The following KANK1 variants were observed in gnomAD, a reference collection of about 807,000 sequenced individuals.
The protein encoded by KANK1 is KN motif and ankyrin repeat domain-containing protein 1.
In KANK1, 109 loss-of-function variants were observed where a neutral mutation model predicts 106.2. The observed-to-expected ratio is 1.03, with a 90% CI of 0.88 to 1.20. KANK1 has a LOEUF of 1.20. Among genes scored for constraint, KANK1 ranks in the 50% most tolerant of loss-of-function variants. The pLI, the probability that KANK1 is intolerant of heterozygous loss-of-function variation, is 0.00. For missense variants in KANK1, 2,399 were observed against 1,710.7 expected (o/e 1.40, Z -7.10); for synonymous variants, 873 against 652.2 (o/e 1.34, Z -5.16).
At chr9:475,800 C>T (rs1380491033) in intron 3 of KANK1, among the ~76,000 whole-genome samples, 3 of 152,110 alleles carry the variant, frequency 2.0e-5, no homozygotes, top group Non-Finnish European at 4.4e-5. Context: ...ATTTTTCTTC[C>T]AGGCGCTCCC....
At chr9:621,078 C>G (rs1388824405) in intron 1 of KANK1, among the ~76,000 whole-genome samples, 1 of 152,148 alleles carries the variant, frequency 6.6e-6, no homozygotes, top group African/African-American at 2.4e-5. Flanking sequence ...TACTAGAAAT[C>G]TAAGCTATTC....
At chr9:600,100 C>A (rs536471771) in intron 1 of KANK1, among the ~76,000 whole-genome samples, 145 of 151,670 alleles carry the variant, frequency 9.6e-4, no homozygotes, top group Non-Finnish European at 1.7e-3. Flanking sequence ...TTGCACAATT[C>A]AGTAATGTTG....
chr9:485,739 C>CGG (rs2058281199), intron 3 of KANK1, among the ~76,000 whole-genome samples: 3 of 151,856 alleles, frequency 2.0e-5, no homozygotes, highest in African/African-American at 7.3e-5. Flanking sequence ...GATGTGGTGG[C>CGG]GCATGCCTGT....
At chr9:517,889 C>T (rs186053791) in intron 1 of KANK1, among the ~76,000 whole-genome samples, 1 of 151,342 alleles carries the variant, frequency 6.6e-6, no homozygotes, top group Admixed American at 6.6e-5. Flanking sequence ...CGGAGTCCCC[C>T]ACCATGCCTC....
intron 1 of KANK1, among the ~76,000 whole-genome samples, chr9:509,691 C>T (rs1304094002): frequency 6.6e-6 from 1 of 152,206 alleles, no homozygotes; most frequent in Non-Finnish European, 1.5e-5. Flanking sequence ...TTACCTCCCT[C>T]TTGGGTATTT....
At chr9:732,845 A>G (rs1189756892) in intron 6 of KANK1, 1 of 397,928 alleles carries the variant, frequency 2.5e-6, no homozygotes, top group Non-Finnish European at 4.5e-6. Flanking sequence ...TGAAACCTTA[A>G]CTCTGCTATA....
In KANK1 at chr9:742,195, C is replaced by G. The variant is rs371523067; in HGVS notation, c.3697-10C>G. 4 of 1,613,570 alleles carry G rather than the reference C, an allele frequency of 2.5e-6. No homozygotes were observed. Among genetic ancestry groups the G allele is most frequent in the Middle Eastern group, 1.6e-4 (1 of 6,062 alleles). On this transcript the variant is annotated splice_polypyrimidine_tract_variant and intron_variant, in intron 9 of 11. Coordinates refer to ENST00000382297, the MANE Select transcript of KANK1 (RefSeq NM_015158.5). Reference sequence around the variant, plus strand: ...CGTACTTCTGAAGTCCTTGTCATCTCTTCCCATAGGCGGGACAGACGGCCC... The same window carrying G: ...CGTACTTCTGAAGTCCTTGTCATCTGTTCCCATAGGCGGGACAGACGGCCC...
exon 1 of KANK1, chr9:470,339 C>A (rs552338676): frequency 3.1e-4 from 47 of 152,508 alleles, no homozygotes; most frequent in African/African-American, 1.1e-3. Flanking sequence ...CCAGCCTGCT[C>A]AGCAGCGAGT....
At chr9:611,745 G>C (rs972907904) in intron 1 of KANK1, among the ~76,000 whole-genome samples, 5 of 152,078 alleles carry the variant, frequency 3.3e-5, no homozygotes, top group African/African-American at 1.2e-4. Context: ...TGGAGACAAA[G>C]TCTTTCTCTG....
At chr9:719,649 A>T (rs1337735666) in intron 3 of KANK1, among the ~76,000 whole-genome samples, 42 of 152,234 alleles carry the variant, frequency 2.8e-4, no homozygotes, top group Admixed American at 2.7e-3. Flanking sequence ...ATGGCTATAT[A>T]CCAATAACTA....
At chr9:627,561 A>AACAATCTTCTTGT (rs1309085265) in intron 1 of KANK1, among the ~76,000 whole-genome samples, 1 of 152,052 alleles carries the variant, frequency 6.6e-6, no homozygotes, top group Non-Finnish European at 1.5e-5. Context: ...GCCAGTAATG[A>AACAATCTTCTTGT]ACAATCTTCT....
intron 1 of KANK1, among the ~76,000 whole-genome samples, chr9:557,018 C>T (rs2061631387): frequency 6.6e-6 from 1 of 151,902 alleles, no homozygotes. Context: ...ATGGTAGTTA[C>T]TCTAAAAACA....
At chr9:480,047 C>G (rs766719078) in intron 3 of KANK1, among the ~76,000 whole-genome samples, 1 of 152,212 alleles carries the variant, frequency 6.6e-6, no homozygotes. Context: ...GAATCAAAAA[C>G]TTTAACGGAG....
At chr9:688,516 G>A (rs9407360) in intron 2 of KANK1, among the ~76,000 whole-genome samples, 31,928 of 151,302 alleles carry the variant, frequency 0.21, 4,123 homozygotes, top group East Asian at 0.56. Context: ...TGAGGCAGGA[G>A]AATAGCTTGA....
rs765165659 is a variant in KANK1 at position 712,267 on chromosome 9, G to A, written c.1501G>A (p.Val501Ile). The A allele has an allele frequency of 2.0e-5, 33 of 1,614,092 alleles. No homozygotes were observed. Among genetic ancestry groups the A allele is most frequent in the Non-Finnish European group, 2.6e-5 (31 of 1,180,040 alleles). The change falls in exon 3 of 12, where the codon GTT becomes ATT. Residue 501 changes from valine (V) to isoleucine (I), a missense_variant. Physicochemically the swap from Val to Ile is conservative, Grantham distance 29 (BLOSUM62 3). Coordinates refer to ENST00000382297, the MANE Select transcript of KANK1 (RefSeq NM_015158.5). ...GCAGGCTGCTGGATCGAGGAAAAAG[G>A]TTGACAAAGCCACGATGGCCCAGCC... ...ELQAAGSRKKVDKATMAQPLV... is the reference protein window; with the variant it reads ...ELQAAGSRKKIDKATMAQPLV...
rs142556021 is a variant in KANK1, at chr9:517,824, C to T, written c.-84+13070C>T. On this transcript the variant is annotated intron_variant, in intron 1 of 11. Coordinates refer to ENST00000382297, the MANE Select transcript of KANK1 (RefSeq NM_015158.5). ...CGTGATCTCGGCTCACTGGACCCTC[C>T]GCCTCCCAGGTTCAAGTAGTTCTCC... 3.0e-4 allele frequency among the ~76,000 whole-genome samples: 45 copies of T among 150,498 alleles called. 1 individual carries two copies. Among genetic ancestry groups the T allele is most frequent in the East Asian group, 1.2e-3 (6 of 5,122 alleles).
At chr9:624,681 C>A (rs1833933098) in intron 1 of KANK1, among the ~76,000 whole-genome samples, 1 of 152,028 alleles carries the variant, frequency 6.6e-6, no homozygotes, top group South Asian at 2.1e-4. Context: ...TTCCTGTAGT[C>A]CCAGCTACTC....
At chr9:731,875 A>T (rs534680773) in intron 5 of KANK1, 15 of 155,552 alleles carry the variant, frequency 9.6e-5, no homozygotes, top group Non-Finnish European at 1.9e-4. Flanking sequence ...AAATAATACA[A>T]AGTGTACCAT....
At chr9:668,662 T>C (rs1845220229) in intron 1 of KANK1, among the ~76,000 whole-genome samples, 1 of 152,172 alleles carries the variant, frequency 6.6e-6, no homozygotes, top group South Asian at 2.1e-4. Context: ...GTGGTTACCA[T>C]GAGGCTTATA....
Sources: allele counts gnomAD v4.1 joint callset (sites outside exome capture counted in the v4.1 genomes callset), GRCh38; gene constraint gnomAD v4.1.1; transcripts MANE v1.5; gene names NCBI Gene and HGNC (gene_info 2026-07-23, HGNC 2026-07-21).